COG6: variants seen among roughly 807,000 people sequenced by gnomAD.
The protein encoded by COG6 is conserved oligomeric Golgi complex subunit 6.
Under a neutral mutation model 88.8 loss-of-function variants are expected in COG6, and 74 were observed. That is an observed-to-expected ratio of 0.83 (90% CI 0.69 to 1.01). COG6 has a LOEUF of 1.01. Among genes scored for constraint, COG6 ranks in the 50% least tolerant of loss-of-function variants. The pLI, the probability that COG6 is intolerant of heterozygous loss-of-function variation, is 0.00. For synonymous variants in COG6, 286 were observed against 278.7 expected (o/e 1.03, Z -0.26); for missense variants, 800 against 797.9 (o/e 1.00, Z -0.03).
intron 2 of COG6, 95 bp downstream of exon 2, chr13:39,659,602 C>A: frequency 9.6e-7 from 1 of 1,046,970 alleles, no homozygotes; most frequent in Non-Finnish European, 1.4e-6. Flanking sequence ...GATATGTTTG[C>A]TATTTGTATA....
At chr13:39,711,940 A>G (rs995001348) in intron 13 of COG6, among the ~76,000 whole-genome samples, 1 of 151,974 alleles carries the variant, frequency 6.6e-6, no homozygotes, top group Non-Finnish European at 1.5e-5. Context: ...CCTCACTACA[A>G]CCTCCACCTC....
Position 39,687,620 on chromosome 13 carries a change from T to C in COG6, c.906T>C (p.His302=). 6.2e-7 allele frequency: 1 copy of C among 1,614,006 alleles called. No homozygotes were observed. Among genetic ancestry groups the C allele is most frequent in the Non-Finnish European group, 8.5e-7 (1 of 1,180,004 alleles). The change falls in exon 9 of 19, where the codon CAT becomes CAC. Residue 302 remains histidine (H), a synonymous_variant. Transcript: ENST00000455146. ...CTAGACCAATTGAAATGCATTCTCA[T>C]GACCCTTTGAGGTATAGTAATCAGA... is the stretch of plus-strand genomic sequence containing the variant. ...GTPRPIEMHS[H]DPLRYVGDML... is the part of the protein sequence containing the mutation.
exon 19 of COG6, chr13:39,790,804 T>C (rs1029045419): frequency 1.3e-5 from 2 of 152,096 alleles, no homozygotes; most frequent in African/African-American, 4.8e-5. Flanking sequence ...TTAGGCTTAT[T>C]TCTAGATACT....
intron 11 of COG6, among the ~76,000 whole-genome samples, chr13:39,691,918 A>T (rs1470560421): frequency 2.0e-5 from 3 of 151,814 alleles, no homozygotes; most frequent in Non-Finnish European, 4.4e-5. Flanking sequence ...TCTGTCCATC[A>T]TTATTCTTTG....
At chr13:39,758,215 T>C (rs1271372857) in intron 18 of COG6, among the ~76,000 whole-genome samples, 3 of 102,374 alleles carry the variant, frequency 2.9e-5, no homozygotes, top group Non-Finnish European at 5.5e-5. Flanking sequence ...CGAGATGCCT[T>C]CTCAAAAAAA....
At chr13:39,661,062 T>C (rs1326973418) in intron 3 of COG6, among the ~76,000 whole-genome samples, 181 bp downstream of exon 3, 1 of 152,220 alleles carries the variant, frequency 6.6e-6, no homozygotes, top group Non-Finnish European at 1.5e-5. Flanking sequence ...TTTATTAATA[T>C]TGTTCAATTA....
chr13:39,697,625 T>C (rs1877348772), intron 12 of COG6, among the ~76,000 whole-genome samples: 1 of 151,948 alleles, frequency 6.6e-6, no homozygotes, highest in African/African-American at 2.4e-5. Flanking sequence ...TGTCTCACCA[T>C]GTAGTCCAAC....
intron 15 of COG6, 139 bp from the exon 16 acceptor site, chr13:39,723,194 C>A: frequency 1.5e-6 from 1 of 647,584 alleles, no homozygotes; most frequent in South Asian, 1.7e-5. Flanking sequence ...CATAGAAAGA[C>A]TTACTGTTTG....
chr13:39,721,572 C>A (rs1214062900), intron 15 of COG6, among the ~76,000 whole-genome samples: 1 of 152,048 alleles, frequency 6.6e-6, no homozygotes, highest in African/African-American at 2.4e-5. Flanking sequence ...CCTATTCTTG[C>A]ATTATGCTTG....
At chr13:39,782,218 C>G (rs1881650213) in intron 18 of COG6, among the ~76,000 whole-genome samples, 1 of 152,218 alleles carries the variant, frequency 6.6e-6, no homozygotes, top group Admixed American at 6.5e-5. Context: ...GAGGATAACT[C>G]TTCAGCTTTC....
In COG6 at chr13:39,719,838, C is replaced by A. The variant is rs752628537; in HGVS notation, c.1584+11C>A. On this transcript the variant is annotated intron_variant, in intron 15 of 18. Transcript: ENST00000455146. ...ATGCTACAGTTTCAGGTAAATTTTT[C>A]TATAAAATGACTATTGACTATGATT... The A allele has an allele frequency of 6.9e-6, 11 of 1,596,494 alleles. No individual in the cohort carries two copies. In the Admixed American group the frequency reaches 1.7e-4, roughly 24 times the overall value.
chr13:39,743,629 A>C (rs2138130875), intron 18 of COG6, among the ~76,000 whole-genome samples: 1 of 152,286 alleles, frequency 6.6e-6, no homozygotes, highest in East Asian at 1.9e-4. Context: ...ACCAACCAAA[A>C]AAAAGTCCAG....
At chr13:39,752,757 GA>G, downstream of COG6, 1 of 802,256 alleles carries the variant, frequency 1.2e-6, no homozygotes, top group Non-Finnish European at 1.6e-6. Flanking sequence ...AGACTCACAG[GA>G]AAAATGTGGT....
intron 18 of COG6, among the ~76,000 whole-genome samples, chr13:39,770,681 G>A (rs990098843): frequency 1.3e-5 from 2 of 152,164 alleles, no homozygotes; most frequent in Admixed American, 1.3e-4. Flanking sequence ...CTCCAGAGGT[G>A]GCTATAGCCA....
chr13:39,718,547 G>T (rs575280612), intron 13 of COG6, among the ~76,000 whole-genome samples: 1 of 152,222 alleles, frequency 6.6e-6, no homozygotes, highest in South Asian at 2.1e-4. Context: ...ACTCAGCCAT[G>T]CAACAATCTC....
chr13:39,706,507 T>C (rs1189028278), intron 13 of COG6, among the ~76,000 whole-genome samples: 1 of 151,762 alleles, frequency 6.6e-6, no homozygotes, highest in Non-Finnish European at 1.5e-5. Context: ...TGGTGCAACC[T>C]TTTTATTTTT....
chr13:39,717,982 A>G (rs1237729956), intron 13 of COG6, among the ~76,000 whole-genome samples: 1 of 151,954 alleles, frequency 6.6e-6, no homozygotes, highest in Non-Finnish European at 1.5e-5. Flanking sequence ...GATATTCTTT[A>G]TTTGGTGAGA....
At position 39,659,485 on chromosome 13, in the gene COG6, G is replaced by A. The variant is rs781694353; in HGVS notation, c.275G>A (p.Ser92Asn). ...TTAGCCATCAATGAAGAATTTGTAA[G>A]CATTTTCAAGGAAGTGAAGGAGGTA... ...KSLAINEEFV[S>N]IFKEVKEELE... The change falls in exon 2 of 19, where the codon AGC becomes AAC. Residue 92 changes from serine to asparagine, a missense_variant. By Grantham distance (46) the Ser-to-Asn change is conservative (BLOSUM62 1). Transcript: ENST00000455146. The A allele has an allele frequency of 8.7e-6, 14 of 1,613,240 alleles. No homozygotes were observed. The highest frequency in any genetic ancestry group is 1.7e-5 in the Admixed American group (1 of 59,994).
At chr13:39,707,575 A>G (rs777889280) in intron 13 of COG6, among the ~76,000 whole-genome samples, 1 of 152,228 alleles carries the variant, frequency 6.6e-6, no homozygotes, top group Admixed American at 6.5e-5. Flanking sequence ...TCCCCTTCCC[A>G]GTCAATATCT....
Sources: gnomAD v4.1 joint callset for allele counts (sites outside exome capture counted in the v4.1 genomes callset) on GRCh38, gnomAD v4.1.1 for gene constraint, MANE v1.5 for transcripts, NCBI Gene and HGNC (gene_info 2026-07-23, HGNC 2026-07-21) for gene names.